MXI1: variants seen among roughly 807,000 people sequenced by gnomAD.
MXI1 encodes the protein max-interacting protein 1.
In MXI1, 18 loss-of-function variants were observed where a neutral mutation model predicts 36.9. The observed-to-expected ratio is 0.49, with a 90% CI of 0.34 to 0.72. MXI1 has a LOEUF of 0.72. MXI1 is among the 30% of genes least tolerant of loss of function. The pLI, the probability that MXI1 is intolerant of heterozygous loss-of-function variation, is 0.01. For missense variants in MXI1, 304 were observed against 379.1 expected (o/e 0.80, Z 1.64); for synonymous variants, 160 against 146.7 (o/e 1.09, Z -0.65).
intron 2 of MXI1, among the ~76,000 whole-genome samples, chr10:110,231,868 C>T (rs1054180231): frequency 2.0e-5 from 3 of 152,174 alleles, no homozygotes; most frequent in African/African-American, 4.8e-5. Context: ...TCTCTTCAGT[C>T]GGCCTTCTTT....
chr10:110,236,696 T>C (rs1014653115), intron 2 of MXI1, among the ~76,000 whole-genome samples: 1 of 152,174 alleles, frequency 6.6e-6, no homozygotes, highest in Non-Finnish European at 1.5e-5. Context: ...CCTGGGCTCA[T>C]GCAGTCCTGC....
At chr10:110,227,568 A>C (rs1003455565) in intron 1 of MXI1, 92 of 825,866 alleles carry the variant, frequency 1.1e-4, no homozygotes, top group Non-Finnish European at 1.3e-4. Context: ...AGGAAGGAGG[A>C]ACACGGATGC....
chr10:110,278,368 T>C (rs185295277), intron 3 of MXI1, among the ~76,000 whole-genome samples: 10 of 152,278 alleles, frequency 6.6e-5, no homozygotes, highest in Admixed American at 5.2e-4. Context: ...TGTCACCTGT[T>C]GTCCTTGTGG....
chr10:110,243,787 C>A (rs1855759082), intron 2 of MXI1, among the ~76,000 whole-genome samples: 1 of 152,056 alleles, frequency 6.6e-6, no homozygotes, highest in Admixed American at 6.6e-5. Context: ...TCATATGAGG[C>A]AAATACTGTT....
chr10:110,250,242 A>T (rs143060294), intron 3 of MXI1, among the ~76,000 whole-genome samples: 1 of 152,108 alleles, frequency 6.6e-6, no homozygotes, highest in Admixed American at 6.5e-5. Flanking sequence ...TTTGTTACCT[A>T]TGTACCAACC....
chr10:110,253,876 C>T (rs1252295121), intron 3 of MXI1, among the ~76,000 whole-genome samples: 1 of 152,012 alleles, frequency 6.6e-6, no homozygotes, highest in Admixed American at 6.6e-5. Flanking sequence ...TAATGACAAA[C>T]CCACAGCTTA....
chr10:110,248,628 C>T (rs1004045677), intron 3 of MXI1, among the ~76,000 whole-genome samples: 9 of 152,058 alleles, frequency 5.9e-5, no homozygotes, highest in African/African-American at 2.2e-4. Context: ...TACCTTACTT[C>T]ACTTAAGGCA....
chr10:110,243,868 A>G (rs1855761482), intron 2 of MXI1, among the ~76,000 whole-genome samples: 1 of 152,086 alleles, frequency 6.6e-6, no homozygotes, highest in South Asian at 2.1e-4. Flanking sequence ...GCCATACAGT[A>G]TTTGGACTCA....
chr10:110,229,050 T>G (rs188398152), intron 2 of MXI1, among the ~76,000 whole-genome samples: 11 of 152,332 alleles, frequency 7.2e-5, no homozygotes, highest in Non-Finnish European at 1.5e-4. Context: ...TGAAACTTTG[T>G]GTCAAAAAGA....
At chr10:110,273,041 CTTTTTTTTTTTT>C (rs771024820) in intron 3 of MXI1, among the ~76,000 whole-genome samples, 1 of 110,864 alleles carries the variant, frequency 9.0e-6, no homozygotes. Context: ...GCTTGTTTAG[CTTTTTTTTTTTT>C]TTTTTTTTTT....
rs10656872 is a variant in MXI1, at chr10:110,216,665, G to GTTTTTTTTTTTTTTTTTTTTTTTTT, written c.274+8603_274+8604insTTTTTTTTTTTTTTTTTTTTTTTTT. ...CCTGTCTCCCCTATCTGTGTTTAATGTTTTTTTTTTTTTTTTTTTTGGAGA... is the reference window on the plus strand; with the variant it reads ...CCTGTCTCCCCTATCTGTGTTTAATGTTTTTTTTTTTTTTTTTTTTTTTTTTTTTTTTTTTTTTTTTTTTTGGAGA... On this transcript the variant is annotated intron_variant, in intron 1 of 5. Transcript: ENST00000332674. Among the ~76,000 whole-genome samples the GTTTTTTTTTTTTTTTTTTTTTTTTT allele has an allele frequency of 1.5e-3, 116 of 79,058 alleles. 28 individuals are homozygous for GTTTTTTTTTTTTTTTTTTTTTTTTT. The highest frequency in any genetic ancestry group is 5.3e-3 in the African/African-American group (67 of 12,588). The allele number at this position is 79,058 out of a possible 152,430, so 51.9% of individuals were successfully genotyped here.
chr10:110,234,792 T>G (rs905042001), intron 2 of MXI1, among the ~76,000 whole-genome samples: 9 of 152,146 alleles, frequency 5.9e-5, no homozygotes, highest in Admixed American at 4.6e-4. Flanking sequence ...TTCGAGAATA[T>G]GTTTAAGAGC....
chr10:110,255,804 C>T (rs1856267740), intron 3 of MXI1, among the ~76,000 whole-genome samples: 1 of 151,332 alleles, frequency 6.6e-6, no homozygotes, highest in Non-Finnish European at 1.5e-5. Context: ...TTTTTTTTTG[C>T]AGAAATTGAC....
At chr10:110,232,603 C>T (rs1855315337) in intron 2 of MXI1, among the ~76,000 whole-genome samples, 3 of 152,208 alleles carry the variant, frequency 2.0e-5, no homozygotes, top group African/African-American at 7.2e-5. Flanking sequence ...GATTGAGTCT[C>T]TTCTGCTTAA....
chr10:110,279,831 A>G, intron 4 of MXI1, 83 bp from the exon 5 acceptor site: 11 of 1,062,340 alleles, frequency 1.0e-5, no homozygotes, highest in Non-Finnish European at 1.4e-5. Context: ...ATATTCATTC[A>G]TGTTTTCTCT....
intron 1 of MXI1, chr10:110,208,337 A>G: frequency 3.0e-6 from 1 of 329,970 alleles, no homozygotes; most frequent in Non-Finnish European, 5.6e-6. Flanking sequence ...GGCTGGGAGG[A>G]TGGCCCAGCG....
In MXI1 at chr10:110,287,057, G is replaced by C. The variant is rs1857438881; in HGVS notation, c.*2070G>C. ...TGAAGACTGTGCTACCATACAAAGT[G>C]AATGAAGCCAGTGACTAAGCTTCTG... On this transcript the variant is annotated 3_prime_UTR_variant, in exon 6 of 6. Transcript: ENST00000332674. 1 of 152,218 alleles carries C rather than the reference G, an allele frequency of 6.6e-6. No homozygotes were observed. The highest frequency in any genetic ancestry group is 6.5e-5 in the Admixed American group (1 of 15,274). The allele number at this position is 152,218 out of a possible 1,614,324, so 9.4% of individuals were successfully genotyped here.
intron 3 of MXI1, among the ~76,000 whole-genome samples, chr10:110,251,115 T>TA: frequency 6.7e-6 from 1 of 150,082 alleles, no homozygotes; most frequent in East Asian, 2.0e-4. Flanking sequence ...AATTGGAAAT[T>TA]AGCATTTATA....
chr10:110,214,957 TG>T (rs1854594807), intron 1 of MXI1, among the ~76,000 whole-genome samples: 1 of 150,022 alleles, frequency 6.7e-6, no homozygotes, highest in South Asian at 2.1e-4. Flanking sequence ...CAGGCAGAAA[TG>T]GGGGAGCTTT....
Sources: gnomAD v4.1 joint callset for allele counts (sites outside exome capture counted in the v4.1 genomes callset) on GRCh38, gnomAD v4.1.1 for gene constraint, MANE v1.5 for transcripts, NCBI Gene and HGNC (gene_info 2026-07-23, HGNC 2026-07-21) for gene names.